ATXN7: variants seen among roughly 807,000 people sequenced by gnomAD.
ATXN7 encodes ataxin 7, also known as ataxin-7.
In ATXN7, 12 loss-of-function variants were observed where a neutral mutation model predicts 70.5. That is an observed-to-expected ratio of 0.17 (90% CI 0.11 to 0.28). The LOEUF (loss-of-function observed/expected upper bound fraction) is 0.28, where lower values mean the gene tolerates loss of function less well. Ranked by LOEUF, ATXN7 falls within the 10% of genes least tolerant of loss-of-function variation. The probability of loss-of-function intolerance (pLI) is 1.00; values close to 1 mark genes in which losing one functional copy is unlikely to be tolerated. For synonymous variants in ATXN7, 498 were observed against 448.7 expected (o/e 1.11, Z -1.39); for missense variants, 1,256 against 1,131.7 (o/e 1.11, Z -1.58).
rs1246242878 is a variant in ATXN7 at position 63,995,888 on chromosome 3, G to A, written c.2066G>A (p.Ser689Asn). The part of the protein sequence containing the change: ...SLRPKESSGN[S>N]TNCQNASSST... ...AGGCCCAAGGAGTCTTCTGGTAACA[G>A]CACTAACTGTCAAAATGCCAGTAGC... is the stretch of plus-strand genomic sequence containing the variant. Residue 689 changes from serine (S) to asparagine (N), a missense_variant, in exon 12 of 13, where the codon AGC (serine) becomes AAC (asparagine). By Grantham distance (46) the Ser-to-Asn change is conservative (BLOSUM62 1). Transcript: ENST00000674280. 6.2e-7 allele frequency: 1 copy of A among 1,614,176 alleles called. No individual in the cohort carries two copies. Among genetic ancestry groups the A allele is most frequent in the Non-Finnish European group, 8.5e-7 (1 of 1,180,040 alleles).
intron 1 of ATXN7, chr3:63,878,662 A>C (rs771323556): frequency 6.6e-6 from 1 of 152,212 alleles, no homozygotes; most frequent in Non-Finnish European, 1.5e-5. Flanking sequence ...TCAGGATGAC[A>C]TGGGTTTCTG....
intron 4 of ATXN7, among the ~76,000 whole-genome samples, chr3:63,933,796 T>TAA (rs927064636): frequency 1.4e-4 from 22 of 152,226 alleles, no homozygotes; most frequent in Non-Finnish European, 2.9e-4. Flanking sequence ...GTTTGTTATA[T>TAA]AACATTTAAT....
intron 2 of ATXN7, among the ~76,000 whole-genome samples, chr3:63,903,082 C>T (rs1244904839): frequency 6.6e-6 from 1 of 151,900 alleles, no homozygotes; most frequent in African/African-American, 2.4e-5. Flanking sequence ...TCATCATCAT[C>T]ACCACTTTTT....
chr3:63,939,350 C>T (rs925244491), intron 4 of ATXN7, among the ~76,000 whole-genome samples: 2 of 152,158 alleles, frequency 1.3e-5, no homozygotes, highest in African/African-American at 4.8e-5. Context: ...ACTGCCATCC[C>T]CATGTCTTTC....
intron 8 of ATXN7, among the ~76,000 whole-genome samples, chr3:63,987,537 T>C (rs898035104): frequency 1.3e-5 from 2 of 152,236 alleles, no homozygotes; most frequent in Admixed American, 1.3e-4. Context: ...TATTTTTGCA[T>C]GGCATTTTCA....
chr3:63,953,655 TC>T (rs1008742107), intron 5 of ATXN7, among the ~76,000 whole-genome samples: 3 of 147,166 alleles, frequency 2.0e-5, no homozygotes, highest in African/African-American at 7.6e-5. Flanking sequence ...TTGAGATACT[TC>T]TTTTTTTTTT....
chr3:63,912,958 CTCG>C, intron 3 of ATXN7, 35 bp downstream of exon 3: 1 of 1,524,390 alleles, frequency 6.6e-7, no homozygotes, highest in Non-Finnish European at 8.9e-7. Context: ...CCTTCACCCC[CTCG>C]CGACCCCCTC....
chr3:63,980,265 A>G (rs907756904), intron 6 of ATXN7, 98 bp downstream of exon 6: 6 of 1,459,216 alleles, frequency 4.1e-6, no homozygotes, highest in South Asian at 1.3e-5. Flanking sequence ...TATAAAAGAG[A>G]GTCTACTTGG....
At chr3:63,896,612 A>G (rs559107053) in intron 1 of ATXN7, among the ~76,000 whole-genome samples, 25 of 152,194 alleles carry the variant, frequency 1.6e-4, no homozygotes, top group Non-Finnish European at 2.2e-4. Context: ...TTTTGAACAC[A>G]GGGTTATTGG....
chr3:63,898,992 A>G (rs1317696177), intron 2 of ATXN7, among the ~76,000 whole-genome samples: 2 of 152,176 alleles, frequency 1.3e-5, no homozygotes, highest in Non-Finnish European at 2.9e-5. Context: ...GCCCAGGCTG[A>G]CAGACAGCTC....
intron 1 of ATXN7, among the ~76,000 whole-genome samples, chr3:63,886,599 C>T (rs1703093485): frequency 6.6e-6 from 1 of 152,086 alleles, no homozygotes; most frequent in Admixed American, 6.6e-5. Context: ...AAGAGGTTAA[C>T]AATAGGGAAA....
At chr3:63,880,396 G>C (rs1702875902) in intron 1 of ATXN7, among the ~76,000 whole-genome samples, 1 of 152,200 alleles carries the variant, frequency 6.6e-6, no homozygotes. Context: ...GTGCCAGATA[G>C]CCCTGACTCA....
At chr3:63,946,097 A>T (rs1253696782) in intron 4 of ATXN7, among the ~76,000 whole-genome samples, 1 of 152,160 alleles carries the variant, frequency 6.6e-6, no homozygotes, top group Non-Finnish European at 1.5e-5. Context: ...AGTGATAGGG[A>T]ACTTCTCAGG....
At chr3:63,933,243 C>A (rs2107346015) in intron 4 of ATXN7, among the ~76,000 whole-genome samples, 1 of 152,262 alleles carries the variant, frequency 6.6e-6, no homozygotes, top group Middle Eastern at 3.4e-3. Context: ...AACTGGCAGG[C>A]TCTACCTTTT....
chr3:63,936,257 T>C (rs1307785297), intron 4 of ATXN7, among the ~76,000 whole-genome samples: 1 of 152,184 alleles, frequency 6.6e-6, no homozygotes, highest in African/African-American at 2.4e-5. Context: ...ATATGGATTT[T>C]TTTTTCATAC....
chr3:63,977,342 T>G (rs536525504), intron 5 of ATXN7, among the ~76,000 whole-genome samples: 1 of 152,334 alleles, frequency 6.6e-6, no homozygotes, highest in East Asian at 1.9e-4. Flanking sequence ...TATCTAATCA[T>G]TTGATCTTCA....
chr3:63,896,906 G>A (rs1274254272), intron 1 of ATXN7, among the ~76,000 whole-genome samples: 1 of 152,188 alleles, frequency 6.6e-6, no homozygotes, highest in Non-Finnish European at 1.5e-5. Flanking sequence ...AATAGCAGCA[G>A]TGTCCAGATG....
At chr3:63,867,762 G>A (rs1459763285) in intron 1 of ATXN7, among the ~76,000 whole-genome samples, 1 of 151,988 alleles carries the variant, frequency 6.6e-6, no homozygotes, top group Non-Finnish European at 1.5e-5. Flanking sequence ...GTGGTGGTGT[G>A]GCCTGTAATC....
chr3:63,961,688 A>G (rs952842487), intron 5 of ATXN7, among the ~76,000 whole-genome samples: 11 of 152,032 alleles, frequency 7.2e-5, no homozygotes, highest in African/African-American at 7.2e-5. Flanking sequence ...AAAGTAGAGG[A>G]AAAAACAGTT....
Sources: gnomAD v4.1 joint callset for allele counts (sites outside exome capture counted in the v4.1 genomes callset) on GRCh38, gnomAD v4.1.1 for gene constraint, MANE v1.5 for transcripts, NCBI Gene and HGNC (gene_info 2026-07-23, HGNC 2026-07-21) for gene names.